MYDGF: variants seen among roughly 807,000 people sequenced by gnomAD.
MYDGF encodes the protein myeloid derived growth factor.
In MYDGF, 29 loss-of-function variants were observed where a neutral mutation model predicts 24.2. That is an observed-to-expected ratio of 1.20 (90% CI 0.89 to 1.63). MYDGF has a LOEUF of 1.63. Among genes scored for constraint, MYDGF ranks in the 40% most tolerant of loss-of-function variants. MYDGF has a pLI of 0.00. For synonymous variants in MYDGF, 105 were observed against 102.5 expected, an observed-to-expected ratio of 1.02 and a Z score of -0.15; for missense variants, 245 against 234.8, an observed-to-expected ratio of 1.04 and a Z score of -0.29.
chr19:4,665,140 T>C (rs921930972), intron 2 of MYDGF, among the ~76,000 whole-genome samples: 10 of 152,194 alleles, frequency 6.6e-5, no homozygotes, highest in African/African-American at 2.2e-4. Flanking sequence ...CACCACATCC[T>C]TCCCATAAAA....
rs1015862696 is a variant in MYDGF, at chr19:4,670,320, G to A, written c.15C>T (p.Ser5=). 4.1e-6 allele frequency: 6 copies of A among 1,462,688 alleles called. No homozygotes were observed. The East Asian group carries it at 8.8e-5, about 21-fold the overall frequency. The allele number at this position is 1,462,688 out of a possible 1,614,324, so 90.6% of individuals were successfully genotyped here. MAAP[S]GGWNGVGASL... Reference sequence around the variant, plus strand: ...TCGCGCCGACGCCGTTCCACCCTCCGCTGGGCGCCGCCATGTTGGACTAGG... The same window carrying A: ...TCGCGCCGACGCCGTTCCACCCTCCACTGGGCGCCGCCATGTTGGACTAGG... Residue 5 remains serine (S), a synonymous_variant, in exon 1 of 6, where the codon AGC becomes AGT. Coordinates refer to ENST00000262947, the MANE Select transcript of MYDGF (RefSeq NM_019107.4).
chr19:4,667,374 C>T (rs931231057), intron 2 of MYDGF, among the ~76,000 whole-genome samples: 8 of 152,028 alleles, frequency 5.3e-5, no homozygotes, highest in Non-Finnish European at 1.0e-4. Flanking sequence ...GTGATCCACC[C>T]GCCTCGGCCT....
In MYDGF at chr19:4,660,243, G is replaced by A. The variant is rs919663268; in HGVS notation, c.370-240C>T. 3.3e-5 allele frequency among the ~76,000 whole-genome samples: 5 copies of A among 151,988 alleles called. No individual in the cohort carries two copies. In the South Asian group the frequency reaches 6.2e-4, roughly 19 times the overall value. Reference sequence around the variant, plus strand: ...TGGACTCAAGTGATCCTCCTGCTGCGGCCTCCTGAGTAGGTGGGACTATGG... The same window carrying A: ...TGGACTCAAGTGATCCTCCTGCTGCAGCCTCCTGAGTAGGTGGGACTATGG... On this transcript the variant is annotated intron_variant, in intron 4 of 5. Transcript: ENST00000262947.
Position 4,670,299 on chromosome 19 carries a change from G to A in MYDGF, c.36C>T (p.Gly12=), listed in dbSNP as rs753984379. The A allele has an allele frequency of 4.7e-6, 7 of 1,504,344 alleles. No homozygotes were observed. The East Asian group carries it at 1.1e-4, about 24-fold the overall frequency. 93.2% of individuals were successfully genotyped at this position (1,504,344 alleles called of 1,614,324 possible). A position where few individuals can be genotyped will look rare whatever the true frequency, so the allele number is the denominator to read the frequency against. The change falls in exon 1 of 6, where the codon GGC becomes GGT. Residue 12 remains glycine, a synonymous_variant. Coordinates refer to ENST00000262947, the MANE Select transcript of MYDGF (RefSeq NM_019107.4). ...AAPSGGWNGV[G]ASLWAALLLG... is the part of the protein sequence containing the mutation. ...GGAGCAGCGCGGCCCACAAGCTCGC[G>A]CCGACGCCGTTCCACCCTCCGCTGG...
chr19:4,658,325 A>G (rs991435098), intron 5 of MYDGF, among the ~76,000 whole-genome samples: 3 of 152,198 alleles, frequency 2.0e-5, no homozygotes, highest in Non-Finnish European at 4.4e-5. Flanking sequence ...AGCCACAGAA[A>G]GACCTGAGGT....
chr19:4,657,888 G>C lies in MYDGF; in HGVS notation c.*117C>G. The C allele has an allele frequency of 1.0e-6, 1 of 956,696 alleles. No homozygotes were observed. Among genetic ancestry groups the C allele is most frequent in the Non-Finnish European group, 1.5e-6 (1 of 655,090 alleles). 59.3% of individuals were successfully genotyped at this position (956,696 alleles called of 1,614,324 possible). On this transcript the variant is annotated 3_prime_UTR_variant, in exon 6 of 6. Transcript: ENST00000262947. ...CTCCGGACAAGGCAACGTCAGCCCA[G>C]GTAGAAAACTTAAGAGTCCCTCCTA...
intron 4 of MYDGF, chr19:4,660,444 G>T: frequency 1.8e-6 from 1 of 563,976 alleles, no homozygotes; most frequent in Non-Finnish European, 3.1e-6. Flanking sequence ...AGTCTTTTCT[G>T]GCATATACAA....
At chr19:4,665,721 T>G (rs2088515019) in intron 2 of MYDGF, among the ~76,000 whole-genome samples, 1 of 144,780 alleles carries the variant, frequency 6.9e-6, no homozygotes, top group Admixed American at 7.7e-5. Flanking sequence ...CTCGGGAGGC[T>G]AAGGCAGGAG....
intron 5 of MYDGF, among the ~76,000 whole-genome samples, chr19:4,658,609 C>T (rs1470258474): frequency 3.9e-5 from 6 of 152,070 alleles, no homozygotes; most frequent in African/African-American, 9.7e-5. Context: ...TCGGCGCCTC[C>T]GATTCCTCTT....
intron 4 of MYDGF, among the ~76,000 whole-genome samples, chr19:4,660,283 G>A (rs1307604723): frequency 6.6e-6 from 1 of 151,976 alleles, no homozygotes; most frequent in East Asian, 1.9e-4. Flanking sequence ...ATGCCAACAC[G>A]CCTGGCTATT....
chr19:4,660,583 T>A (rs2088461800), intron 4 of MYDGF, 86 bp downstream of exon 4: 2 of 1,275,444 alleles, frequency 1.6e-6, no homozygotes, highest in African/African-American at 2.9e-5. Flanking sequence ...CCTGTCCCCA[T>A]GGAGCCCTCT....
intron 5 of MYDGF, among the ~76,000 whole-genome samples, chr19:4,658,810 TA>T (rs896103866): frequency 3.5e-4 from 54 of 152,186 alleles, no homozygotes; most frequent in African/African-American, 1.2e-3. Context: ...TAAAATTTAT[TA>T]TTTTTTTTGA....
intron 3 of MYDGF, among the ~76,000 whole-genome samples, chr19:4,662,978 C>CA (rs2088481866): frequency 6.6e-6 from 1 of 151,938 alleles, no homozygotes; most frequent in African/African-American, 2.4e-5. Flanking sequence ...GTGCCCTCCC[C>CA]TCCTCCCTGT....
In MYDGF at chr19:4,660,669, G is replaced by A. The variant is rs769137401; in HGVS notation, c.369C>T (p.Tyr123=). ...RGAEIEYAMA[Y]SKAAFERESD... ...GCCTGCCCCACTCCAAGATACTCAC[G>A]TAGGCCATGGCGTACTCAATCTCAG... Residue 123 remains tyrosine (Y), a splice_region_variant and synonymous_variant, in exon 4 of 6, where the codon TAC becomes TAT. Transcript: ENST00000262947. 17 of 1,613,666 alleles carry A rather than the reference G, an allele frequency of 1.1e-5. No individual in the cohort carries two copies. In the East Asian group the frequency reaches 2.0e-4, roughly 19 times the overall value.
chr19:4,659,758 C>A, intron 5 of MYDGF, 173 bp downstream of exon 5: 1 of 646,508 alleles, frequency 1.5e-6, no homozygotes, highest in Non-Finnish European at 2.8e-6. Flanking sequence ...ACAGAACCCA[C>A]AGTGCCACAA....
chr19:4,668,501 T>C (rs1568288672), intron 2 of MYDGF, 94 bp downstream of exon 2: 4 of 1,068,328 alleles, frequency 3.7e-6, no homozygotes, highest in African/African-American at 1.6e-5. Context: ...TAAGGTGATA[T>C]AGGTGAGACC....
rs1395395423 is a variant in MYDGF, at chr19:4,665,685, G to C, written c.226-748C>G. 3.9e-5 allele frequency among the ~76,000 whole-genome samples: 6 copies of C among 151,928 alleles called. No homozygotes were observed. In the East Asian group the frequency reaches 1.2e-3, roughly 29 times the overall value. On this transcript the variant is annotated intron_variant, in intron 2 of 5. Coordinates refer to ENST00000262947, the MANE Select transcript of MYDGF (RefSeq NM_019107.4). ...AAATACAAAAAATTAGCCGAGCGCA[G>C]TGGTGGGCGCCTGTAGTCCCAGCTA...
intron 4 of MYDGF, among the ~76,000 whole-genome samples, chr19:4,660,217 C>G (rs908414107): frequency 4.6e-5 from 7 of 152,164 alleles, no homozygotes; most frequent in African/African-American, 1.7e-4. Flanking sequence ...CTTCAAAGTC[C>G]TGGACTCAAG....
At chr19:4,661,217 C>T (rs1383209375) in intron 3 of MYDGF, among the ~76,000 whole-genome samples, 1 of 152,152 alleles carries the variant, frequency 6.6e-6, no homozygotes, top group East Asian at 1.9e-4. Context: ...CCACTCGCCT[C>T]AGCCTCCCAG....
Sources: allele counts gnomAD v4.1 joint callset (sites outside exome capture counted in the v4.1 genomes callset), GRCh38; gene constraint gnomAD v4.1.1; transcripts MANE v1.5; gene names NCBI Gene and HGNC (gene_info 2026-07-23, HGNC 2026-07-21).